Variants in GLP2R observed in about 807,000 individuals in gnomAD.
GLP2R encodes glucagon-like peptide 2 receptor.
In GLP2R, 59 loss-of-function variants were observed where a neutral mutation model predicts 68.2. That is an observed-to-expected ratio of 0.87 (90% confidence interval 0.70 to 1.07). GLP2R has a LOEUF of 1.07. Among genes scored for constraint, GLP2R ranks in the 50% least tolerant of loss-of-function variants. The pLI is 0.00. For missense variants in GLP2R, 548 were observed against 677.4 expected (o/e 0.81, Z 2.12); for synonymous variants, 270 against 265.4 (o/e 1.02, Z -0.17).
intron 1 of GLP2R, among the ~76,000 whole-genome samples, chr17:9,827,306 G>A (rs371970045): frequency 2.0e-5 from 3 of 152,146 alleles, no homozygotes; most frequent in East Asian, 1.9e-4. Flanking sequence ...TGGGTTGAGT[G>A]CCAGGTGCCC....
chr17:9,883,517 T>C (rs975540632), intron 11 of GLP2R, among the ~76,000 whole-genome samples: 3 of 152,074 alleles, frequency 2.0e-5, no homozygotes, highest in South Asian at 2.1e-4. Flanking sequence ...CTTGATGAAC[T>C]CCAAAAAGCA....
chr17:9,832,873 C>T (rs764670130), intron 1 of GLP2R, among the ~76,000 whole-genome samples: 41 of 152,246 alleles, frequency 2.7e-4, no homozygotes, highest in Middle Eastern at 6.8e-3. Flanking sequence ...AAATAGTCAA[C>T]GTTAGAAAGG....
In GLP2R at chr17:9,841,910, G is replaced by T. The variant is rs556740054; in HGVS notation, c.383-585G>T. On this transcript the variant is annotated intron_variant, in intron 3 of 12. Transcript: ENST00000262441. ...GGATAGATGTGACTGAGTCACAATG[G>T]CAGTCTGTATGCGCAGAGGGATTTT... Among the ~76,000 whole-genome samples, 252 of 152,292 alleles carry T rather than the reference G, an allele frequency of 1.7e-3. 2 individuals carry two copies. The highest frequency in any genetic ancestry group is 5.8e-3 in the African/African-American group (241 of 41,556).
chr17:9,878,648 A>T (rs1205601503), intron 10 of GLP2R, among the ~76,000 whole-genome samples: 1 of 152,212 alleles, frequency 6.6e-6, no homozygotes, highest in East Asian at 1.9e-4. Context: ...TCACATGGCC[A>T]GGTGGAGTCC....
At chr17:9,878,834 T>C (rs1293069422) in intron 10 of GLP2R, among the ~76,000 whole-genome samples, 3 of 152,186 alleles carry the variant, frequency 2.0e-5, no homozygotes, top group Non-Finnish European at 4.4e-5. Context: ...AACTCCCCCA[T>C]GAACTGCGAA....
At chr17:9,835,194 A>G (rs902954233) in intron 2 of GLP2R, among the ~76,000 whole-genome samples, 1 of 151,860 alleles carries the variant, frequency 6.6e-6, no homozygotes, top group Non-Finnish European at 1.5e-5. Context: ...ACTCCCAGCT[A>G]ATTTTTGTAT....
At chr17:9,884,681 A>G (rs941408808) in intron 11 of GLP2R, among the ~76,000 whole-genome samples, 3 of 149,902 alleles carry the variant, frequency 2.0e-5, no homozygotes, top group African/African-American at 7.7e-5. Context: ...CAGTTGGACA[A>G]TATTTTTTTC....
intron 9 of GLP2R, among the ~76,000 whole-genome samples, chr17:9,869,954 G>C (rs2067077454): frequency 6.6e-6 from 1 of 152,190 alleles, no homozygotes; most frequent in African/African-American, 2.4e-5. Flanking sequence ...TTTCTTTAAA[G>C]GCTGACAATG....
intron 4 of GLP2R, among the ~76,000 whole-genome samples, chr17:9,843,165 A>G (rs1242997480): frequency 6.6e-6 from 1 of 152,206 alleles, no homozygotes; most frequent in African/African-American, 2.4e-5. Context: ...AGGGAGTGGC[A>G]TAGCACAGGG....
At chr17:9,828,105 C>T (rs2066649183) in intron 1 of GLP2R, among the ~76,000 whole-genome samples, 1 of 152,192 alleles carries the variant, frequency 6.6e-6, no homozygotes, top group South Asian at 2.1e-4. Context: ...GAGGGTTCAC[C>T]TCAGGCTTTC....
At chr17:9,848,510 G>A (rs1000647385) in intron 4 of GLP2R, among the ~76,000 whole-genome samples, 9 of 152,104 alleles carry the variant, frequency 5.9e-5, no homozygotes, top group Non-Finnish European at 7.4e-5. Flanking sequence ...ACAAGTGTGC[G>A]GACACAGTAG....
intron 10 of GLP2R, among the ~76,000 whole-genome samples, chr17:9,875,228 TG>T (rs2067133027): frequency 6.6e-6 from 1 of 152,104 alleles, no homozygotes; most frequent in Non-Finnish European, 1.5e-5. Context: ...TCTGAGAGAG[TG>T]CTCTTTACTA....
chr17:9,889,454 T>C lies in GLP2R; in HGVS notation c.1411T>C (p.Phe471Leu), dbSNP rs140664575. 1.2e-6 allele frequency: 2 copies of C among 1,614,052 alleles called. No homozygotes were observed. Among genetic ancestry groups the C allele is most frequent in the Non-Finnish European group, 1.7e-6 (2 of 1,179,880 alleles). ...GCRACVLGKDFRFLGKCPKKL... is the reference protein window; with the variant it reads ...GCRACVLGKDLRFLGKCPKKL... ...CAGAGCCTGTGTCCTGGGGAAGGAC[T>C]TCCGGTTCCTAGGAAAATGTCCCAA... The change falls in exon 13 of 13, where the codon TTC becomes CTC. Residue 471 changes from phenylalanine (F) to leucine (L), a missense_variant. Physicochemically the swap from Phe to Leu is conservative, Grantham distance 22. Coordinates refer to ENST00000262441, the MANE Select transcript of GLP2R (RefSeq NM_004246.3).
chr17:9,873,677 C>A (rs2067118622), intron 10 of GLP2R, among the ~76,000 whole-genome samples: 1 of 148,808 alleles, frequency 6.7e-6, no homozygotes, highest in South Asian at 2.1e-4. Flanking sequence ...AGGTTGGATA[C>A]CCCTGCTGCA....
At chr17:9,844,640 T>C (rs1484816931) in intron 4 of GLP2R, among the ~76,000 whole-genome samples, 1 of 143,626 alleles carries the variant, frequency 7.0e-6, no homozygotes, top group African/African-American at 2.5e-5. Context: ...CCTTGCCCTT[T>C]GGATTCTCAA....
intron 10 of GLP2R, among the ~76,000 whole-genome samples, chr17:9,874,702 C>A (rs1179224726): frequency 6.6e-6 from 1 of 152,160 alleles, no homozygotes; most frequent in Non-Finnish European, 1.5e-5. Flanking sequence ...TCATTTTTAA[C>A]GTCTGTGGAA....
chr17:9,889,315 G>C (rs2067269391), intron 12 of GLP2R, 55 bp from the exon 13 acceptor site: 24 of 1,222,230 alleles, frequency 2.0e-5, no homozygotes, highest in Non-Finnish European at 2.8e-5. Context: ...TTGCTAAATG[G>C]ACACATGGCT....
At chr17:9,881,718 G>A (rs1305851349) in intron 11 of GLP2R, among the ~76,000 whole-genome samples, 1 of 152,168 alleles carries the variant, frequency 6.6e-6, no homozygotes, top group East Asian at 1.9e-4. Flanking sequence ...CTGGCACAGT[G>A]ATGCTTCTGC....
Position 9,836,485 on chromosome 17 carries a change from C to G in GLP2R, c.382+10C>G, listed in dbSNP as rs1597377244. On this transcript the variant is annotated intron_variant, in intron 3 of 12. Coordinates refer to ENST00000262441, the MANE Select transcript of GLP2R (RefSeq NM_004246.3). ...CCTTGGTGGAGTGAAGGTAATAAGT[C>G]TTATTTTTACCAATTTTCCCCAACC... The G allele has an allele frequency of 6.6e-7, 1 of 1,514,340 alleles. No homozygotes were observed. Among genetic ancestry groups the G allele is most frequent in the East Asian group, 2.3e-5 (1 of 44,440 alleles). The allele number at this position is 1,514,340 out of a possible 1,614,324, so 93.8% of individuals were successfully genotyped here. A position where few individuals can be genotyped will look rare whatever the true frequency, so the allele number is the denominator to read the frequency against.
Sources: allele counts gnomAD v4.1 joint callset (sites outside exome capture counted in the v4.1 genomes callset), GRCh38; gene constraint gnomAD v4.1.1; transcripts MANE v1.5; gene names NCBI Gene and HGNC (gene_info 2026-07-23, HGNC 2026-07-21).